Variants in PLXNA1 observed in about 807,000 individuals in gnomAD.
PLXNA1 encodes plexin A1.
Under a neutral mutation model 191.7 loss-of-function variants are expected in PLXNA1, and 77 were observed. The ratio of observed to expected loss-of-function variants is 0.40; its 90% CI spans 0.33 to 0.49. The LOEUF (loss-of-function observed/expected upper bound fraction) is 0.49. Ranked by LOEUF, PLXNA1 falls within the 20% of genes least tolerant of loss-of-function variation. PLXNA1 has a pLI of 0.63. For missense variants in PLXNA1, 2,110 were observed against 2,660.2 expected (o/e 0.79, Z 4.55); for synonymous variants, 1,137 against 1,156.4 (o/e 0.98, Z 0.34).
rs1254062051 is a variant in PLXNA1 at position 127,035,641 on chromosome 3, G to T, written c.*1624G>T. The T allele has an allele frequency of 5.9e-5, 9 of 152,592 alleles. No individual in the cohort carries two copies. The highest frequency in any genetic ancestry group is 2.2e-4 in the African/African-American group (9 of 41,434). The allele number at this position is 152,592 out of a possible 1,614,324, so 9.5% of individuals were successfully genotyped here. A position where few individuals can be genotyped will look rare whatever the true frequency, so the allele number is the denominator to read the frequency against. ...ATCAGTCACTTGTAAAAGCAAACAA[G>T]CGGTCCATCCCCTTTTCAAGGTCAC... On this transcript the variant is annotated 3_prime_UTR_variant, in exon 32 of 32. Coordinates refer to ENST00000393409, the MANE Select transcript of PLXNA1 (RefSeq NM_032242.4).
Position 127,003,374 on chromosome 3 carries a change from C to T in PLXNA1, c.1422C>T (p.Ala474=). ...ACCCCGGTGGCCGGCCTGCCCTGGC[C>T]TACGAGAGCGTCGTGGCCCAGGAGG... ...LSNPGGRPAL[A]YESVVAQEGS... The change falls in exon 4 of 32, where the codon GCC becomes GCT. Residue 474 remains alanine, a synonymous_variant. Transcript: ENST00000393409. The T allele has an allele frequency of 6.2e-7, 1 of 1,611,846 alleles. No homozygotes were observed. The highest frequency in any genetic ancestry group is 8.5e-7 in the Non-Finnish European group (1 of 1,179,236).
chr3:127,012,110 C>T lies in PLXNA1; in HGVS notation c.2265C>T (p.Val755=), dbSNP rs2079098852. ...LFHIPGSPAR[V]TALRFNSSSL... is the part of the protein sequence containing the mutation. ...ACATCCCGGGCAGCCCGGCCCGTGTCACCGCCCTGCGCTTCAACAGCTCCA... is the reference window on the plus strand; with the variant it reads ...ACATCCCGGGCAGCCCGGCCCGTGTTACCGCCCTGCGCTTCAACAGCTCCA... Residue 755 remains valine (V), a synonymous_variant, in exon 10 of 32, where the codon GTC becomes GTT. Coordinates refer to ENST00000393409, the MANE Select transcript of PLXNA1 (RefSeq NM_032242.4). 6.2e-7 allele frequency: 1 copy of T among 1,613,260 alleles called. No homozygotes were observed. Among genetic ancestry groups the T allele is most frequent in the African/African-American group, 1.3e-5 (1 of 74,954 alleles).
At chr3:127,031,413 G>A (rs1268053947) in intron 29 of PLXNA1, among the ~76,000 whole-genome samples, 1 of 152,170 alleles carries the variant, frequency 6.6e-6, no homozygotes, top group Non-Finnish European at 1.5e-5. Context: ...CTGGGGTCAG[G>A]TGGATGCCCT....
chr3:126,986,227 C>A (rs1402973554), intron 1 of PLXNA1, among the ~76,000 whole-genome samples: 1 of 152,258 alleles, frequency 6.6e-6, no homozygotes, highest in African/African-American at 2.4e-5. Context: ...CAGCTCCCAG[C>A]CCCGGCCCCA....
intron 3 of PLXNA1, 66 bp from the exon 4 acceptor site, chr3:127,003,264 G>T (rs1359050347): frequency 9.4e-6 from 14 of 1,493,378 alleles, no homozygotes; most frequent in Non-Finnish European, 1.3e-5. Flanking sequence ...CTGACCTTCT[G>T]TGGGGGGTGG....
chr3:127,015,076 C>A lies in PLXNA1; in HGVS notation c.2878-108C>A, dbSNP rs967678754. 1.2e-5 allele frequency: 17 copies of A among 1,476,252 alleles called. No homozygotes were observed. The African/African-American group carries it at 2.4e-4, about 21-fold the overall frequency. 91.4% of individuals were successfully genotyped at this position (1,476,252 alleles called of 1,614,324 possible). On this transcript the variant is annotated intron_variant, in intron 14 of 31. Transcript: ENST00000393409. ...GTGCAGCTCCCGGGCATGCGGGCTC[C>A]TAGTCTGGGGAACTGTCTGTGGGGG...
chr3:127,009,866 T>G (rs755604145), intron 9 of PLXNA1, among the ~76,000 whole-genome samples: 1 of 152,230 alleles, frequency 6.6e-6, no homozygotes, highest in Non-Finnish European at 1.5e-5. Flanking sequence ...GGCTCCCACG[T>G]GGAGCCCCCA....
intron 27 of PLXNA1, 75 bp downstream of exon 27, chr3:127,029,611 C>T (rs1253115168): frequency 1.9e-5 from 28 of 1,487,382 alleles, no homozygotes; most frequent in South Asian, 1.4e-4. Flanking sequence ...CGGGCTCCCA[C>T]GCTGCAGCAG....
chr3:127,029,327 C>T, intron 26 of PLXNA1, 113 bp from the exon 27 acceptor site: 2 of 1,011,286 alleles, frequency 2.0e-6, no homozygotes. Context: ...AGTGAGGTGG[C>T]TGCCTCCAGG....
intron 20 of PLXNA1, among the ~76,000 whole-genome samples, chr3:127,019,035 T>C (rs750843444): frequency 2.4e-4 from 37 of 152,122 alleles, no homozygotes; most frequent in Non-Finnish European, 4.0e-4. Context: ...GAGATGTCTA[T>C]AGGGGGAGTC....
chr3:127,033,573 C>T (rs2079223423), intron 31 of PLXNA1, among the ~76,000 whole-genome samples: 1 of 152,086 alleles, frequency 6.6e-6, no homozygotes, highest in African/African-American at 2.4e-5. Context: ...AGCCTGGGGT[C>T]CTGGGGCTCA....
chr3:127,022,636 G>T, intron 22 of PLXNA1, 116 bp from the exon 23 acceptor site: 1 of 1,000,696 alleles, frequency 1.0e-6, no homozygotes, highest in Non-Finnish European at 1.6e-6. Context: ...CCTGACCTTC[G>T]GTGCTGTAGG....
chr3:126,996,201 G>A (rs1342715495), intron 3 of PLXNA1, among the ~76,000 whole-genome samples: 4 of 152,188 alleles, frequency 2.6e-5, no homozygotes, highest in South Asian at 2.1e-4. Context: ...GAGCTGGAGC[G>A]AAGCCTCTGG....
chr3:127,032,824 G>A lies in PLXNA1; in HGVS notation c.5583G>A (p.Lys1861=), dbSNP rs149838873. 8,207 of 1,613,050 alleles carry A rather than the reference G, an allele frequency of 5.1e-3. 33 individuals are homozygous for A. Among genetic ancestry groups the A allele is most frequent in the Non-Finnish European group, 6.2e-3 (7,276 of 1,179,966 alleles). Reference sequence around the variant, plus strand: ...ACGAGATCTACTCCTACATCACCAAGTACAAGGATGAGGTGAACACCGTGG... The same window carrying A: ...ACGAGATCTACTCCTACATCACCAAATACAAGGATGAGGTGAACACCGTGG... ...ALHEIYSYIT[K]YKDEILAALE... Residue 1861 remains lysine (K), a synonymous_variant, in exon 31 of 32, where the codon AAG becomes AAA. Coordinates refer to ENST00000393409, the MANE Select transcript of PLXNA1 (RefSeq NM_032242.4).
chr3:127,020,585 G>C (rs1320770903), intron 21 of PLXNA1, among the ~76,000 whole-genome samples: 1 of 152,178 alleles, frequency 6.6e-6, no homozygotes, highest in African/African-American at 2.4e-5. Context: ...TGGCCAGCAC[G>C]GCTCTGCTCC....
intron 20 of PLXNA1, 84 bp downstream of exon 20, chr3:127,018,612 G>GC: frequency 9.8e-7 from 1 of 1,018,400 alleles, no homozygotes; most frequent in Non-Finnish European, 1.5e-6. Context: ...TCCCACCGCC[G>GC]CCCCCACCCT....
intron 3 of PLXNA1, among the ~76,000 whole-genome samples, chr3:126,999,878 G>A (rs1162508835): frequency 3.3e-5 from 5 of 152,158 alleles, no homozygotes; most frequent in Non-Finnish European, 7.4e-5. Flanking sequence ...TGGGCACTGA[G>A]AGGCCTCGGG....
chr3:127,029,114 G>A lies in PLXNA1; in HGVS notation c.4773+18G>A, dbSNP rs938115114. 1.8e-5 allele frequency: 28 copies of A among 1,598,178 alleles called. No individual in the cohort carries two copies. Among genetic ancestry groups the A allele is most frequent in the Non-Finnish European group, 2.3e-5 (27 of 1,166,538 alleles). On this transcript the variant is annotated intron_variant, in intron 26 of 31. Transcript: ENST00000393409. ...ACTACCAGGTGGCTCCCGGCCCTCCGACCCTAGCACAGGCCTCCCTCCCCT... is the reference window on the plus strand; with the variant it reads ...ACTACCAGGTGGCTCCCGGCCCTCCAACCCTAGCACAGGCCTCCCTCCCCT...
chr3:127,012,000 G>A lies in PLXNA1; in HGVS notation c.2155G>A (p.Val719Met). ...ILPSTQIYVP[V>M]GVVKPITLAA... The stretch of plus-strand genomic sequence containing the variant: ...GCCCTCCACGCAGATCTACGTGCCA[G>A]TGGGAGTGGTAAAACCCATCACCCT... Residue 719 changes from valine to methionine, a missense_variant, in exon 10 of 32, where the codon GTG (valine) becomes ATG (methionine). By Grantham distance (21) the Val-to-Met change is conservative. Coordinates refer to ENST00000393409, the MANE Select transcript of PLXNA1 (RefSeq NM_032242.4). 1 of 1,613,778 alleles carries A rather than the reference G, an allele frequency of 6.2e-7. No individual in the cohort carries two copies. Among genetic ancestry groups the A allele is most frequent in the Non-Finnish European group, 8.5e-7 (1 of 1,180,012 alleles).
Sources: gnomAD v4.1 joint callset for allele counts (sites outside exome capture counted in the v4.1 genomes callset) on GRCh38, gnomAD v4.1.1 for gene constraint, MANE v1.5 for transcripts, NCBI Gene and HGNC (gene_info 2026-07-23, HGNC 2026-07-21) for gene names.